Variants in CACNG3 observed in about 807,000 individuals in gnomAD.
CACNG3 encodes the protein calcium voltage-gated channel auxiliary subunit gamma 3, also known as voltage-dependent calcium channel gamma-3 subunit.
Under a neutral mutation model 28.5 loss-of-function variants are expected in CACNG3, and 3 were observed. The ratio of observed to expected loss-of-function variants is 0.11; its 90% CI spans 0.05 to 0.27. The LOEUF (loss-of-function observed/expected upper bound fraction) is 0.27. Ranked by LOEUF, CACNG3 falls within the 10% of genes least tolerant of loss-of-function variation. The probability of loss-of-function intolerance (pLI) is 1.00; values close to 1 mark genes in which losing one functional copy is unlikely to be tolerated. For synonymous variants in CACNG3, 174 were observed against 162.2 expected (o/e 1.07, Z -0.55); for missense variants, 236 against 414.4 (o/e 0.57, Z 3.74).
chr16:24,272,405 A>AT lies in CACNG3; in HGVS notation c.211+15442dup, dbSNP rs201438259. On this transcript the variant is annotated intron_variant, in intron 1 of 3. Coordinates refer to ENST00000005284, the MANE Select transcript of CACNG3 (RefSeq NM_006539.4). ...TTTTTTCCTCTACCAAATCAAAGAG[A>AT]TTAGGGAGCATACATTTTTTCTTTC... Among the ~76,000 whole-genome samples, 296 of 152,068 alleles carry AT rather than the reference A, an allele frequency of 1.9e-3. 7 individuals are homozygous for AT. The East Asian group carries it at 0.035, about 18-fold the overall frequency.
chr16:24,285,765 G>A (rs1047639204), intron 1 of CACNG3, among the ~76,000 whole-genome samples: 7 of 151,306 alleles, frequency 4.6e-5, no homozygotes, highest in Admixed American at 2.0e-4. Flanking sequence ...TCACACTGTC[G>A]ATGTTAGCCT....
chr16:24,333,905 G>A (rs892707521), intron 1 of CACNG3, among the ~76,000 whole-genome samples: 1 of 152,136 alleles, frequency 6.6e-6, no homozygotes, highest in African/African-American at 2.4e-5. Flanking sequence ...CCCAGATAAA[G>A]TAAGAATCCC....
At chr16:24,282,694 CGTTGAATTTACCTTTTAT>C (rs1898845261) in intron 1 of CACNG3, among the ~76,000 whole-genome samples, 1 of 152,082 alleles carries the variant, frequency 6.6e-6, no homozygotes, top group Non-Finnish European at 1.5e-5. Context: ...AATTTATCCA[CGTTGAATTTACCTTTTAT>C]TAAACTCAGA....
chr16:24,270,090 A>C (rs917788209), intron 1 of CACNG3, among the ~76,000 whole-genome samples: 5 of 152,106 alleles, frequency 3.3e-5, no homozygotes, highest in Admixed American at 2.6e-4. Context: ...AATTTCCACC[A>C]CTCTGTATTG....
chr16:24,350,613 TTTTGTGTAAC>T (rs1899928427), intron 2 of CACNG3, among the ~76,000 whole-genome samples: 2 of 152,230 alleles, frequency 1.3e-5, no homozygotes, highest in African/African-American at 4.8e-5. Flanking sequence ...AAATATCCAT[TTTTGTGTAAC>T]CAACACAGTT....
At chr16:24,291,879 C>G (rs968750997) in intron 1 of CACNG3, among the ~76,000 whole-genome samples, 1 of 151,962 alleles carries the variant, frequency 6.6e-6, no homozygotes, top group African/African-American at 2.4e-5. Flanking sequence ...CTATTAACGT[C>G]AAGGAATGAA....
At chr16:24,344,579 G>T (rs931377216) in intron 1 of CACNG3, among the ~76,000 whole-genome samples, 3 of 152,134 alleles carry the variant, frequency 2.0e-5, no homozygotes, top group African/African-American at 7.2e-5. Context: ...CATGAATAAG[G>T]TCTTTTTTTC....
chr16:24,303,540 C>T (rs915034845), intron 1 of CACNG3, among the ~76,000 whole-genome samples: 2 of 151,718 alleles, frequency 1.3e-5, no homozygotes, highest in Non-Finnish European at 2.9e-5. Context: ...TTTACTACTC[C>T]CACCCCCCAC....
intron 1 of CACNG3, among the ~76,000 whole-genome samples, chr16:24,325,236 AT>A (rs1263829555): frequency 6.6e-6 from 1 of 152,180 alleles, no homozygotes; most frequent in Admixed American, 6.5e-5. Context: ...GGGTGTCTAA[AT>A]TCTGGGGGAC....
intron 1 of CACNG3, among the ~76,000 whole-genome samples, chr16:24,291,170 T>C (rs549655493): frequency 2.6e-5 from 4 of 152,194 alleles, no homozygotes; most frequent in African/African-American, 4.8e-5. Context: ...TGATAAAGCA[T>C]TTAGCTTAGT....
At chr16:24,336,890 C>T (rs1402806031) in intron 1 of CACNG3, among the ~76,000 whole-genome samples, 2 of 152,158 alleles carry the variant, frequency 1.3e-5, no homozygotes, top group Admixed American at 6.5e-5. Context: ...TCATAGCTCA[C>T]TGCAGCCTCA....
At chr16:24,290,076 G>A (rs1898946415) in intron 1 of CACNG3, among the ~76,000 whole-genome samples, 2 of 152,354 alleles carry the variant, frequency 1.3e-5, no homozygotes, top group East Asian at 1.9e-4. Context: ...CCTACTATAT[G>A]TCAGAAACTC....
chr16:24,305,185 A>G (rs1190420568), intron 1 of CACNG3, among the ~76,000 whole-genome samples: 1 of 152,110 alleles, frequency 6.6e-6, no homozygotes, highest in East Asian at 1.9e-4. Flanking sequence ...GATGTTGATA[A>G]TAGGAGATGC....
At chr16:24,350,261 C>A (rs1299675751) in intron 2 of CACNG3, among the ~76,000 whole-genome samples, 1 of 152,136 alleles carries the variant, frequency 6.6e-6, no homozygotes, top group Non-Finnish European at 1.5e-5. Flanking sequence ...ATGATTGCAC[C>A]ACTTGGGAAA....
At chr16:24,257,912 A>G (rs1270279890) in intron 1 of CACNG3, among the ~76,000 whole-genome samples, 2 of 152,204 alleles carry the variant, frequency 1.3e-5, no homozygotes, top group Non-Finnish European at 1.5e-5. Flanking sequence ...ACCAGTAGGC[A>G]ATGCTTGGAT....
chr16:24,325,083 T>C (rs1258043059), intron 1 of CACNG3, among the ~76,000 whole-genome samples: 1 of 152,186 alleles, frequency 6.6e-6, no homozygotes, highest in Non-Finnish European at 1.5e-5. Context: ...ACAGTGCCTG[T>C]AGAGATGCCA....
intron 1 of CACNG3, among the ~76,000 whole-genome samples, chr16:24,299,972 G>T (rs1280823661): frequency 1.3e-5 from 2 of 152,062 alleles, no homozygotes; most frequent in East Asian, 3.9e-4. Flanking sequence ...ACGATAGAAT[G>T]ATGTATTTTA....
At chr16:24,344,179 C>G (rs1899826925) in intron 1 of CACNG3, among the ~76,000 whole-genome samples, 1 of 152,146 alleles carries the variant, frequency 6.6e-6, no homozygotes, top group Non-Finnish European at 1.5e-5. Flanking sequence ...CATCTGTAAT[C>G]CCAGTGCTTT....
At chr16:24,265,117 T>C (rs1014337976) in intron 1 of CACNG3, among the ~76,000 whole-genome samples, 2 of 152,004 alleles carry the variant, frequency 1.3e-5, no homozygotes, top group African/African-American at 4.8e-5. Flanking sequence ...TGGCATGCTC[T>C]TATAGTCCCA....
Sources: allele counts gnomAD v4.1 joint callset (sites outside exome capture counted in the v4.1 genomes callset), GRCh38; gene constraint gnomAD v4.1.1; transcripts MANE v1.5; gene names NCBI Gene and HGNC (gene_info 2026-07-23, HGNC 2026-07-21).